Variants in SLC8A1 observed in about 807,000 individuals in gnomAD.
SLC8A1 encodes the protein sodium/calcium exchanger 1.
Under a neutral mutation model 68.3 loss-of-function variants are expected in SLC8A1, and 18 were observed. That is an observed-to-expected ratio of 0.26 (90% CI 0.18 to 0.39). SLC8A1 has a LOEUF of 0.39. Among genes scored for constraint, SLC8A1 ranks in the 10% least tolerant of loss-of-function variants. The probability of loss-of-function intolerance (pLI) is 1.00; values close to 1 mark genes in which losing one functional copy is unlikely to be tolerated. For missense variants in SLC8A1, 985 were observed against 1,156.7 expected (o/e 0.85, Z 2.15); for synonymous variants, 475 against 415.5 (o/e 1.14, Z -1.74).
intron 2 of SLC8A1, among the ~76,000 whole-genome samples, chr2:40,180,997 T>C (rs1245361151): frequency 2.0e-5 from 3 of 152,230 alleles, no homozygotes; most frequent in Non-Finnish European, 1.5e-5. Context: ...CTCACTCTTA[T>C]TGCCCAGGCT....
At chr2:40,131,650 T>C (rs1215905028) in intron 7 of SLC8A1, among the ~76,000 whole-genome samples, 2 of 152,182 alleles carry the variant, frequency 1.3e-5, no homozygotes, top group African/African-American at 4.8e-5. Flanking sequence ...CACTGGAATG[T>C]AATTTCCAAA....
chr2:40,193,947 A>T (rs1316009349), intron 2 of SLC8A1, among the ~76,000 whole-genome samples: 1 of 152,156 alleles, frequency 6.6e-6, no homozygotes, highest in East Asian at 1.9e-4. Context: ...TACTTTTCTG[A>T]AATTTCTCCT....
At chr2:40,265,091 C>G (rs1177984761) in intron 2 of SLC8A1, among the ~76,000 whole-genome samples, 1 of 152,176 alleles carries the variant, frequency 6.6e-6, no homozygotes, top group African/African-American at 2.4e-5. Context: ...GTCATCTTCT[C>G]TTCACTGTGC....
intron 1 of SLC8A1, among the ~76,000 whole-genome samples, chr2:40,451,080 G>T (rs768986908): frequency 2.6e-5 from 4 of 152,198 alleles, no homozygotes; most frequent in Non-Finnish European, 5.9e-5. Context: ...GGTTTCTTTG[G>T]CCGGCTGTCC....
At position 40,417,076 on chromosome 2, in the gene SLC8A1, G is replaced by A. The variant is rs529036641; in HGVS notation, c.1808+11397C>T. Among the ~76,000 whole-genome samples, 132 of 152,218 alleles carry A rather than the reference G, an allele frequency of 8.7e-4. 2 individuals are homozygous for A. The South Asian group carries it at 8.7e-3, about 10-fold the overall frequency. ...AAAATGTCTTAGGTTATTGATATTT[G>A]ATTGCTTTTTGAAGATTATGCAGAG... On this transcript the variant is annotated intron_variant, in intron 2 of 7. Coordinates refer to ENST00000406785, the Ensembl canonical transcript of SLC8A1.
At chr2:40,325,592 T>G (rs2075724470) in intron 2 of SLC8A1, among the ~76,000 whole-genome samples, 1 of 151,800 alleles carries the variant, frequency 6.6e-6, no homozygotes, top group African/African-American at 2.4e-5. Context: ...TTCTTTCAGA[T>G]CCAGTCTTAA....
chr2:40,163,832 A>G (rs2046092161), intron 5 of SLC8A1, among the ~76,000 whole-genome samples: 1 of 152,204 alleles, frequency 6.6e-6, no homozygotes, highest in Non-Finnish European at 1.5e-5. Flanking sequence ...GTCTCCTATC[A>G]GGCACCTCCA....
intron 2 of SLC8A1, among the ~76,000 whole-genome samples, chr2:40,322,821 A>AACACAC (rs5830620): frequency 1.6e-4 from 24 of 147,718 alleles, no homozygotes; most frequent in South Asian, 6.5e-4. Flanking sequence ...TTTATTGGGT[A>AACACAC]ACACACACAC....
intron 2 of SLC8A1, among the ~76,000 whole-genome samples, chr2:40,406,637 G>A (rs1261215582): frequency 6.6e-6 from 1 of 152,122 alleles, no homozygotes; most frequent in Non-Finnish European, 1.5e-5. Context: ...AGATCAGTGT[G>A]GCAGAGCTGT....
chr2:40,452,770 G>A (rs558809394), upstream of SLC8A1, among the ~76,000 whole-genome samples: 15 of 150,880 alleles, frequency 9.9e-5, no homozygotes, highest in South Asian at 3.0e-3. Flanking sequence ...ATTCGGGGGA[G>A]GGTGTCCCCC....
chr2:40,372,778 C>T (rs1216129161), intron 2 of SLC8A1, among the ~76,000 whole-genome samples: 4 of 152,024 alleles, frequency 2.6e-5, no homozygotes, highest in Admixed American at 6.6e-5. Context: ...AATAAGCCAT[C>T]GCTTATACCA....
At chr2:40,180,687 G>A (rs966318845) in intron 2 of SLC8A1, among the ~76,000 whole-genome samples, 21 of 152,140 alleles carry the variant, frequency 1.4e-4, no homozygotes, top group African/African-American at 5.1e-4. Flanking sequence ...ATTCTTGTTA[G>A]CATTACTTAA....
At chr2:40,165,013 C>T (rs1227799486) in intron 4 of SLC8A1, 29 bp from the exon 8 acceptor site, 1 of 1,612,614 alleles carries the variant, frequency 6.2e-7, no homozygotes, top group Non-Finnish European at 8.5e-7. Flanking sequence ...AGAGAGTGAG[C>T]ACTGTGTTCT....
In SLC8A1 at chr2:40,402,498, GCCCCGAATTCTTTCTTGCACAA is replaced by G. The variant is rs569225879; in HGVS notation, c.1808+25953_1808+25974del. Among the ~76,000 whole-genome samples the G allele has an allele frequency of 5.9e-5, 9 of 152,218 alleles. No individual in the cohort carries two copies. The South Asian group carries it at 1.9e-3, about 32-fold the overall frequency. On this transcript the variant is annotated intron_variant, in intron 2 of 7. Transcript: ENST00000406785. ...AAACTTGCTTTCACTTTATGTATTT[GCCCCGAATTCTTTCTTGCACAA>G]GGTCCAAGAACCCTCTCTTGGGGTC...
chr2:40,266,587 A>G (rs188746324), intron 2 of SLC8A1, among the ~76,000 whole-genome samples: 236 of 152,244 alleles, frequency 1.6e-3, no homozygotes, highest in Middle Eastern at 6.8e-3. Context: ...TTTCTCTCCT[A>G]TCATTTTCTA....
rs897548046 is a variant in SLC8A1 at position 40,149,536 on chromosome 2, T to C, written c.2162-9860A>G. Among the ~76,000 whole-genome samples the C allele has an allele frequency of 2.6e-5, 4 of 152,092 alleles. 1 individual carries two copies. On this transcript the variant is annotated intron_variant, in intron 6 of 7. Coordinates refer to ENST00000406785, the Ensembl canonical transcript of SLC8A1. ...GGGAAAGTATTCCATGCAGAGAAAA[T>C]ATCTCATGCACAACTGTGTAGAGAA...
intron 2 of SLC8A1, among the ~76,000 whole-genome samples, chr2:40,372,540 G>A (rs900025936): frequency 2.0e-5 from 3 of 152,066 alleles, no homozygotes; most frequent in African/African-American, 7.2e-5. Context: ...GGGCTTGACC[G>A]CCCCATGAAG....
At chr2:40,170,330 C>G in intron 4 of SLC8A1, 1 of 1,614,090 alleles carries the variant, frequency 6.2e-7, no homozygotes, top group African/African-American at 1.3e-5. Flanking sequence ...TAGCATGAAC[C>G]TTCCTGAAGA....
chr2:40,409,657 G>C (rs937456799), intron 2 of SLC8A1, among the ~76,000 whole-genome samples: 29 of 152,154 alleles, frequency 1.9e-4, no homozygotes, highest in African/African-American at 6.8e-4. Flanking sequence ...AGGCTGGAGA[G>C]TGGAAAGGAA....
Sources: allele counts gnomAD v4.1 joint callset (sites outside exome capture counted in the v4.1 genomes callset), GRCh38; gene constraint gnomAD v4.1.1; transcripts MANE v1.5; gene names NCBI Gene and HGNC (gene_info 2026-07-23, HGNC 2026-07-21).